The following RBFOX1 variants were observed in gnomAD, a reference collection of about 807,000 sequenced individuals.
The protein encoded by RBFOX1 is RNA binding fox-1 homolog 1.
In RBFOX1, 8 loss-of-function variants were observed where a neutral mutation model predicts 57.7. That is an observed-to-expected ratio of 0.14 (90% confidence interval 0.08 to 0.25). The LOEUF is 0.25. RBFOX1 is among the 10% of genes least tolerant of loss of function. The pLI is 1.00. For synonymous variants in RBFOX1, 326 were observed against 222.4 expected, an observed-to-expected ratio of 1.47 and a Z score of -4.15; for missense variants, 611 against 548.5, an observed-to-expected ratio of 1.11 and a Z score of -1.14.
At chr16:5,411,325 G>C (rs1015777055) in intron 1 of RBFOX1, among the ~76,000 whole-genome samples, 2 of 152,210 alleles carry the variant, frequency 1.3e-5, no homozygotes, top group East Asian at 1.9e-4. Context: ...CACAGTAAGA[G>C]AGAAGTAGCA....
At chr16:7,195,404 G>A (rs181143075) in intron 4 of RBFOX1, among the ~76,000 whole-genome samples, 3 of 152,200 alleles carry the variant, frequency 2.0e-5, no homozygotes, top group Non-Finnish European at 4.4e-5. Flanking sequence ...GACATATTGA[G>A]AGGAGGTGAT....
At chr16:6,557,004 T>TACATATATATACATATATAC (rs1567671436) in intron 2 of RBFOX1, among the ~76,000 whole-genome samples, 23 of 136,954 alleles carry the variant, frequency 1.7e-4, no homozygotes, top group East Asian at 1.3e-3. Flanking sequence ...TACATATATA[T>TACATATATATACATATATAC]ACATATATAT....
chr16:5,249,696 T>C (rs1158640270), intron 1 of RBFOX1, among the ~76,000 whole-genome samples: 2 of 152,244 alleles, frequency 1.3e-5, no homozygotes, highest in Non-Finnish European at 2.9e-5. Context: ...AGACCAGGTG[T>C]GGTGGCTCAC....
chr16:6,713,694 T>A (rs1025717853), intron 3 of RBFOX1, among the ~76,000 whole-genome samples: 1 of 152,196 alleles, frequency 6.6e-6, no homozygotes, highest in Non-Finnish European at 1.5e-5. Context: ...CCCTTGTTTT[T>A]AGACATTTGC....
chr16:5,445,941 T>G lies in RBFOX1; in HGVS notation c.220-21275T>G, dbSNP rs139873682. Among the ~76,000 whole-genome samples, 366 of 152,284 alleles carry G rather than the reference T, an allele frequency of 2.4e-3. 3 individuals carry two copies. The highest frequency in any genetic ancestry group is 8.2e-3 in the African/African-American group (341 of 41,548). On this transcript the variant is annotated intron_variant, in intron 1 of 2. Coordinates refer to the RBFOX1 transcript ENST00000585867. ...ATGCTTTGAGTGGGAATGTGAGGAG[T>G]AAGAAGAACATTGAGTTTGAAGAAT...
intron 3 of RBFOX1, among the ~76,000 whole-genome samples, chr16:5,657,615 T>G (rs1271492808): frequency 2.2e-4 from 9 of 41,460 alleles, no homozygotes; most frequent in African/African-American, 5.9e-4. Flanking sequence ...TCGCTTTCTT[T>G]CTTTCTCTCT....
chr16:6,853,620 G>T (rs1029742668), intron 3 of RBFOX1, among the ~76,000 whole-genome samples: 7 of 152,102 alleles, frequency 4.6e-5, no homozygotes, highest in African/African-American at 9.7e-5. Context: ...CAGTTTGATG[G>T]GATTAATTTG....
At chr16:5,580,510 G>C (rs893989651) in intron 2 of RBFOX1, among the ~76,000 whole-genome samples, 1 of 152,218 alleles carries the variant, frequency 6.6e-6, no homozygotes, top group Non-Finnish European at 1.5e-5. Context: ...GCGGCCAGCT[G>C]GGTGTGCCTT....
At chr16:5,717,185 T>C (rs971849344) in intron 3 of RBFOX1, among the ~76,000 whole-genome samples, 2 of 152,222 alleles carry the variant, frequency 1.3e-5, no homozygotes, top group South Asian at 2.1e-4. Context: ...TTCAGTGTTA[T>C]AATAATTTAT....
chr16:6,511,957 C>G (rs1466655016), intron 2 of RBFOX1, among the ~76,000 whole-genome samples: 1 of 151,976 alleles, frequency 6.6e-6, no homozygotes, highest in African/African-American at 2.4e-5. Context: ...AGGTCTTTCC[C>G]TGAGACTTAC....
chr16:7,140,602 A>T (rs144760286), intron 4 of RBFOX1, among the ~76,000 whole-genome samples: 1 of 152,160 alleles, frequency 6.6e-6, no homozygotes, highest in Non-Finnish European at 1.5e-5. Flanking sequence ...AAAGGAATGA[A>T]TAAAAGAATG....
chr16:5,932,726 G>C (rs948176956), intron 4 of RBFOX1, among the ~76,000 whole-genome samples: 1 of 152,138 alleles, frequency 6.6e-6, no homozygotes, highest in Non-Finnish European at 1.5e-5. Context: ...TCTTGTTTAC[G>C]TGCATTTCCC....
At chr16:6,738,218 TA>T (rs961135843) in intron 3 of RBFOX1, among the ~76,000 whole-genome samples, 18 of 152,144 alleles carry the variant, frequency 1.2e-4, no homozygotes, top group African/African-American at 4.3e-4. Context: ...CATCAAATAG[TA>T]ATGGACAGCA....
chr16:7,664,045 G>C (rs1486755581), intron 12 of RBFOX1, among the ~76,000 whole-genome samples: 2 of 152,170 alleles, frequency 1.3e-5, no homozygotes, highest in Admixed American at 1.3e-4. Context: ...GATTGGGCTT[G>C]TTCAATCAAG....
At chr16:7,596,242 G>C (rs1303787171) in intron 8 of RBFOX1, among the ~76,000 whole-genome samples, 1 of 150,684 alleles carries the variant, frequency 6.6e-6, no homozygotes, top group East Asian at 2.0e-4. Flanking sequence ...AACCAAACAG[G>C]ATTTCCTGTT....
At chr16:6,305,477 C>G (rs1290440559) in intron 1 of RBFOX1, among the ~76,000 whole-genome samples, 1 of 151,998 alleles carries the variant, frequency 6.6e-6, no homozygotes, top group African/African-American at 2.4e-5. Flanking sequence ...TTTACACATA[C>G]TCACATGCAT....
intron 4 of RBFOX1, among the ~76,000 whole-genome samples, chr16:7,234,219 A>AT (rs1228599188): frequency 6.6e-6 from 1 of 152,100 alleles, no homozygotes; most frequent in East Asian, 1.9e-4. Context: ...GAGGGCTCAC[A>AT]TGCTGGAGGC....
intron 3 of RBFOX1, among the ~76,000 whole-genome samples, chr16:5,726,400 C>T (rs1340676272): frequency 2.0e-5 from 3 of 152,190 alleles, no homozygotes; most frequent in African/African-American, 7.2e-5. Context: ...AACCTCCTCC[C>T]TCCCTGGGGC....
At chr16:7,053,823 C>T (rs900710769) in intron 4 of RBFOX1, among the ~76,000 whole-genome samples, 1 of 152,108 alleles carries the variant, frequency 6.6e-6, no homozygotes. Flanking sequence ...CATCACGAAC[C>T]AGTGCTTTGT....
Sources: gnomAD v4.1 joint callset for allele counts (sites outside exome capture counted in the v4.1 genomes callset) on GRCh38, gnomAD v4.1.1 for gene constraint, MANE v1.5 for transcripts, NCBI Gene and HGNC (gene_info 2026-07-23, HGNC 2026-07-21) for gene names.